The following MELK variants were observed in gnomAD, a reference collection of about 807,000 sequenced individuals.
The protein encoded by MELK is maternal embryonic leucine zipper kinase.
In MELK, 81 loss-of-function variants were observed where a neutral mutation model predicts 85.0. The ratio of observed to expected loss-of-function variants is 0.95; its 90% CI spans 0.80 to 1.15. The LOEUF (loss-of-function observed/expected upper bound fraction) is 1.15. Among genes scored for constraint, MELK ranks in the 50% most tolerant of loss-of-function variants. The pLI is 0.00. For synonymous variants in MELK, 252 were observed against 265.0 expected, an observed-to-expected ratio of 0.95 and a Z score of 0.48; for missense variants, 754 against 777.5, an observed-to-expected ratio of 0.97 and a Z score of 0.36.
chr9:36,613,430 G>A (rs1416868611), intron 8 of MELK, among the ~76,000 whole-genome samples: 3 of 152,220 alleles, frequency 2.0e-5, no homozygotes, highest in Non-Finnish European at 2.9e-5. Flanking sequence ...ACAGATGAAA[G>A]ATCCCTGTCC....
rs143386562 is a variant in MELK at position 36,628,809 on chromosome 9, T to G, written c.667-1490T>G. 9.2e-5 allele frequency among the ~76,000 whole-genome samples: 14 copies of G among 152,280 alleles called. No homozygotes were observed. The East Asian group carries it at 2.7e-3, about 29-fold the overall frequency. ...GGCTTTGCTGTCATGTCTAGAAAGA[T>G]TCTAAAAATAATCACTCATACTTTC... On this transcript the variant is annotated intron_variant, in intron 8 of 17. Coordinates refer to ENST00000298048, the MANE Select transcript of MELK (RefSeq NM_014791.4).
intron 16 of MELK, among the ~76,000 whole-genome samples, chr9:36,672,007 T>G (rs1225613567): frequency 6.6e-6 from 1 of 152,142 alleles, no homozygotes; most frequent in Admixed American, 6.6e-5. Context: ...AAGATGGTAG[T>G]GTGCCCATCA....
At chr9:36,577,470 C>G (rs990373310) in intron 1 of MELK, among the ~76,000 whole-genome samples, 1 of 151,844 alleles carries the variant, frequency 6.6e-6, no homozygotes, top group Non-Finnish European at 1.5e-5. Context: ...GAGCTGAGAT[C>G]GCACTACTGC....
rs926037383 is a variant in MELK, at chr9:36,665,593, G to A, written c.1408+12G>A. ...TACACCCTCAAAAGGTATTTGCTAA[G>A]TGAATTAAGCAGTAAGAAGTTTCAT... On this transcript the variant is annotated intron_variant, in intron 14 of 17. Coordinates refer to ENST00000298048, the MANE Select transcript of MELK (RefSeq NM_014791.4). 6.3e-7 allele frequency: 1 copy of A among 1,586,400 alleles called. No individual in the cohort carries two copies. Among genetic ancestry groups the A allele is most frequent in the Admixed American group, 1.7e-5 (1 of 58,320 alleles).
chr9:36,619,653 C>A (rs1017360197), intron 8 of MELK, among the ~76,000 whole-genome samples: 2 of 152,072 alleles, frequency 1.3e-5, no homozygotes, highest in Non-Finnish European at 2.9e-5. Flanking sequence ...GAGTTTTGAA[C>A]CCCCCAAAAA....
intron 8 of MELK, among the ~76,000 whole-genome samples, chr9:36,617,097 T>G (rs1170772359): frequency 6.6e-6 from 1 of 152,114 alleles, no homozygotes; most frequent in Non-Finnish European, 1.5e-5. Flanking sequence ...TCTAGAACAG[T>G]TGGTGGGTCA....
At chr9:36,641,644 G>T (rs1829767920) in intron 10 of MELK, among the ~76,000 whole-genome samples, 2 of 129,996 alleles carry the variant, frequency 1.5e-5, no homozygotes, top group Admixed American at 1.8e-4. Flanking sequence ...TTTCACTGTT[G>T]TTGCCCAGCC....
At chr9:36,629,385 C>G (rs537704513) in intron 8 of MELK, among the ~76,000 whole-genome samples, 26 of 152,294 alleles carry the variant, frequency 1.7e-4, no homozygotes, top group African/African-American at 6.3e-4. Flanking sequence ...TAGCATTTAG[C>G]CAAGTCCCTG....
intron 13 of MELK, among the ~76,000 whole-genome samples, chr9:36,659,836 G>A (rs111450815): frequency 0.028 from 4,324 of 152,232 alleles, 206 homozygotes; most frequent in African/African-American, 0.098. Flanking sequence ...TTTTGCTCTT[G>A]TTGCCCAGGC....
At chr9:36,644,517 G>A (rs1830053863) in intron 11 of MELK, among the ~76,000 whole-genome samples, 1 of 152,102 alleles carries the variant, frequency 6.6e-6, no homozygotes, top group Admixed American at 6.6e-5. Context: ...GAATGTATCT[G>A]GAAATGGTAG....
intron 4 of MELK, 150 bp from the exon 5 acceptor site, chr9:36,594,478 G>T: frequency 1.3e-6 from 1 of 764,634 alleles, no homozygotes; most frequent in Non-Finnish European, 2.0e-6. Context: ...TTGATCCTGA[G>T]AGTGTACTTT....
intron 10 of MELK, among the ~76,000 whole-genome samples, chr9:36,636,728 A>ATTTCTTTC (rs74181197): frequency 0.03 from 3,027 of 100,846 alleles, 94 homozygotes; most frequent in East Asian, 0.071. Context: ...TAGCAACTGG[A>ATTTCTTTC]TTTCTTTCTT....
At position 36,638,473 on chromosome 9, in the gene MELK, C is replaced by T. The variant is rs909865318; in HGVS notation, c.835-4524C>T. Reference sequence around the variant, plus strand: ...GCTAATTTTGTATTTTTAGTAGAGACGGGGTTTATCCATGTTGGTCAGGCT... The same window carrying T: ...GCTAATTTTGTATTTTTAGTAGAGATGGGGTTTATCCATGTTGGTCAGGCT... On this transcript the variant is annotated intron_variant, in intron 10 of 17. Coordinates refer to ENST00000298048, the MANE Select transcript of MELK (RefSeq NM_014791.4). 9.9e-5 allele frequency among the ~76,000 whole-genome samples: 15 copies of T among 151,910 alleles called. No individual in the cohort carries two copies. The East Asian group carries it at 1.2e-3, about 12-fold the overall frequency.
intron 3 of MELK, among the ~76,000 whole-genome samples, chr9:36,584,350 C>T (rs1485286341): frequency 2.2e-5 from 3 of 134,582 alleles, no homozygotes; most frequent in Non-Finnish European, 4.7e-5. Flanking sequence ...CGGAGTTTTG[C>T]TCTGTCGCAC....
At chr9:36,639,493 A>G (rs1354639930) in intron 10 of MELK, among the ~76,000 whole-genome samples, 1 of 152,234 alleles carries the variant, frequency 6.6e-6, no homozygotes, top group African/African-American at 2.4e-5. Flanking sequence ...TATTGCATCA[A>G]ATAGAAATTA....
Position 36,583,695 on chromosome 9 carries a change from G to T in MELK, c.127G>T (p.Asp43Tyr), listed in dbSNP as rs746880889. ...TGEMVAIKIM[D>Y]KNTLGSDLPR... Reference sequence around the variant, plus strand: ...AGAGATGGTAGCTATAAAAATCATGGATAAAAACACACTAGGGGTAAGTTT... The same window carrying T: ...AGAGATGGTAGCTATAAAAATCATGTATAAAAACACACTAGGGGTAAGTTT... The change falls in exon 3 of 18, where the codon GAT (aspartate) becomes TAT (tyrosine). Residue 43 changes from aspartate to tyrosine, a missense_variant. Coordinates refer to ENST00000298048, the MANE Select transcript of MELK (RefSeq NM_014791.4). 1 of 1,611,270 alleles carries T rather than the reference G, an allele frequency of 6.2e-7. No individual in the cohort carries two copies. The highest frequency in any genetic ancestry group is 1.7e-5 in the Admixed American group (1 of 59,934).
At chr9:36,629,026 CCAGCT>C (rs1828242069) in intron 8 of MELK, among the ~76,000 whole-genome samples, 1 of 151,890 alleles carries the variant, frequency 6.6e-6, no homozygotes, top group African/African-American at 2.4e-5. Flanking sequence ...GCCACCATGC[CCAGCT>C]AATTTTTGTA....
chr9:36,597,423 C>A, intron 6 of MELK, 133 bp downstream of exon 6: 1 of 782,850 alleles, frequency 1.3e-6, no homozygotes, highest in Non-Finnish European at 2.0e-6. Flanking sequence ...TAAATTTCAT[C>A]CCAGGTATGG....
At chr9:36,606,179 C>T (rs1461421638) in intron 7 of MELK, among the ~76,000 whole-genome samples, 6 of 149,966 alleles carry the variant, frequency 4.0e-5, no homozygotes, top group Non-Finnish European at 5.9e-5. Context: ...TTTCTAGTGT[C>T]TCTCTCTCTC....
Sources: allele counts gnomAD v4.1 joint callset (sites outside exome capture counted in the v4.1 genomes callset), GRCh38; gene constraint gnomAD v4.1.1; transcripts MANE v1.5; gene names NCBI Gene and HGNC (gene_info 2026-07-23, HGNC 2026-07-21).